RALGAPA2: variants seen among roughly 807,000 people sequenced by gnomAD.
The protein encoded by RALGAPA2 is Ral GTPase activating protein catalytic subunit alpha 2, also known as ral GTPase-activating protein subunit alpha-2.
A neutral mutation model predicts 230.4 loss-of-function variants in RALGAPA2; 139 were observed. The ratio of observed to expected loss-of-function variants is 0.60; its 90% CI spans 0.53 to 0.69. The LOEUF is 0.69. Among genes scored for constraint, RALGAPA2 ranks in the 30% least tolerant of loss-of-function variants. The pLI, the probability that RALGAPA2 is intolerant of heterozygous loss-of-function variation, is 0.00. For synonymous variants in RALGAPA2, 847 were observed against 837.8 expected (o/e 1.01, Z -0.19); for missense variants, 2,163 against 2,276.0 (o/e 0.95, Z 1.01).
intron 23 of RALGAPA2, among the ~76,000 whole-genome samples, chr20:20,555,588 T>TAAAGTTTTAAAGTTTA (rs2064060535): frequency 6.6e-6 from 1 of 152,240 alleles, no homozygotes; most frequent in Non-Finnish European, 1.5e-5. Context: ...TTTAAAGTCC[T>TAAAGTTTTAAAGTTTA]ACAGCAAGGT....
chr20:20,517,068 A>C (rs1451994226), intron 31 of RALGAPA2, among the ~76,000 whole-genome samples: 1 of 152,128 alleles, frequency 6.6e-6, no homozygotes, highest in Non-Finnish European at 1.5e-5. Flanking sequence ...CATAGACACA[A>C]CTGGAACTTC....
intron 36 of RALGAPA2, among the ~76,000 whole-genome samples, chr20:20,490,361 TAAC>T: frequency 6.6e-6 from 1 of 152,338 alleles, no homozygotes; most frequent in African/African-American, 2.4e-5. Context: ...ATAATGCTAA[TAAC>T]AATAATAATA....
At chr20:20,625,315 T>C (rs975008379) in intron 10 of RALGAPA2, among the ~76,000 whole-genome samples, 6 of 152,222 alleles carry the variant, frequency 3.9e-5, no homozygotes, top group Non-Finnish European at 8.8e-5. Flanking sequence ...TATACACATA[T>C]AGAAAGACCA....
chr20:20,486,162 AT>A (rs1274048589), intron 36 of RALGAPA2, among the ~76,000 whole-genome samples: 1 of 151,642 alleles, frequency 6.6e-6, no homozygotes, highest in Non-Finnish European at 1.5e-5. Flanking sequence ...AAAAAAACAG[AT>A]TTCATTTTAC....
At chr20:20,410,893 A>G (rs552211996) in intron 38 of RALGAPA2, among the ~76,000 whole-genome samples, 1 of 152,250 alleles carries the variant, frequency 6.6e-6, no homozygotes, top group African/African-American at 2.4e-5. Flanking sequence ...TTATCTCCCA[A>G]GCCTTCTGCC....
chr20:20,707,633 C>T (rs1459916727), intron 1 of RALGAPA2, among the ~76,000 whole-genome samples: 2 of 152,106 alleles, frequency 1.3e-5, no homozygotes, highest in South Asian at 2.1e-4. Context: ...TACGACAATG[C>T]TATGTTTTGC....
intron 26 of RALGAPA2, among the ~76,000 whole-genome samples, chr20:20,534,507 G>A (rs1420943694): frequency 1.3e-5 from 2 of 151,174 alleles, no homozygotes; most frequent in South Asian, 2.1e-4. Flanking sequence ...TTAAAATTTA[G>A]GTGAAACAGG....
At chr20:20,629,203 G>A (rs1266015811) in intron 10 of RALGAPA2, among the ~76,000 whole-genome samples, 160 bp downstream of exon 10, 1 of 152,072 alleles carries the variant, frequency 6.6e-6, no homozygotes, top group East Asian at 1.9e-4. Flanking sequence ...TAAAAGATTA[G>A]AGGGATCGTT....
At chr20:20,593,501 C>T (rs2146123009) in intron 16 of RALGAPA2, among the ~76,000 whole-genome samples, 1 of 152,386 alleles carries the variant, frequency 6.6e-6, no homozygotes, top group Admixed American at 6.5e-5. Context: ...GCCAGCCCTT[C>T]CGGCTGTCTT....
intron 14 of RALGAPA2, among the ~76,000 whole-genome samples, chr20:20,610,150 A>G (rs1603050643): frequency 6.6e-6 from 1 of 152,228 alleles, no homozygotes; most frequent in East Asian, 1.9e-4. Flanking sequence ...CTTCAGGTCA[A>G]CTGAGGAGGG....
chr20:20,391,445 G>C lies in RALGAPA2; in HGVS notation c.*1844C>G, dbSNP rs2059601829. The C allele has an allele frequency of 6.6e-6, 1 of 152,258 alleles. No homozygotes were observed. Among genetic ancestry groups the C allele is most frequent in the South Asian group, 2.1e-4 (1 of 4,830 alleles). The allele number at this position is 152,258 out of a possible 1,614,324, so 9.4% of individuals were successfully genotyped here. On this transcript the variant is annotated 3_prime_UTR_variant, in exon 40 of 40. Transcript: ENST00000202677. ...GGGCACCCTCATTCTCTTCTGTTCA[G>C]GTGGTTCTCAAGGTGCTCCTGTCAG... is the stretch of plus-strand genomic sequence containing the variant.
At chr20:20,469,203 C>T (rs1569425539) in intron 37 of RALGAPA2, among the ~76,000 whole-genome samples, 2 of 152,122 alleles carry the variant, frequency 1.3e-5, no homozygotes, top group South Asian at 4.1e-4. Context: ...AAATAGAACA[C>T]ATGGTACCAT....
At chr20:20,663,487 TAAGTC>T (rs2067853883) in intron 3 of RALGAPA2, among the ~76,000 whole-genome samples, 1 of 152,290 alleles carries the variant, frequency 6.6e-6, no homozygotes, top group South Asian at 2.1e-4. Context: ...TCTTTCTTAT[TAAGTC>T]AAGAACGCTC....
At chr20:20,435,606 T>G (rs1233385370) in intron 37 of RALGAPA2, among the ~76,000 whole-genome samples, 3 of 152,250 alleles carry the variant, frequency 2.0e-5, no homozygotes, top group Non-Finnish European at 2.9e-5. Context: ...CTGACAATGC[T>G]GTGCCATAGC....
At chr20:20,650,564 T>C (rs1419957182) in intron 4 of RALGAPA2, among the ~76,000 whole-genome samples, 1 of 152,320 alleles carries the variant, frequency 6.6e-6, no homozygotes, top group African/African-American at 2.4e-5. Context: ...TAACATTTAA[T>C]TAGTAAGACA....
At chr20:20,455,237 C>T (rs752533140) in intron 37 of RALGAPA2, among the ~76,000 whole-genome samples, 5 of 152,218 alleles carry the variant, frequency 3.3e-5, no homozygotes, top group Non-Finnish European at 7.3e-5. Flanking sequence ...TTAGAGCTAT[C>T]GATCGCTGCC....
In RALGAPA2 at chr20:20,503,373, G is replaced by A; in HGVS notation, c.5186C>T (p.Ser1729Leu). 1 of 1,599,456 alleles carries A rather than the reference G, an allele frequency of 6.3e-7. No homozygotes were observed. ...TACCTTTTTGGTGAGGGAATCATCT[G>A]AGTCTGACGGCATTCGAGTGGAAAC... is the stretch of plus-strand genomic sequence containing the variant. ...FHVSTRMPSD[S>L]DDSLTKKLRH... Residue 1729 changes from serine (S) to leucine (L), a missense_variant, in exon 35 of 40, where the codon TCA (serine) becomes TTA (leucine). Transcript: ENST00000202677.
chr20:20,663,871 CATGAACCA>C (rs1446147766), intron 3 of RALGAPA2, among the ~76,000 whole-genome samples: 2 of 152,208 alleles, frequency 1.3e-5, no homozygotes, highest in African/African-American at 4.8e-5. Context: ...GGATTACAGG[CATGAACCA>C]CCACGCCTGG....
chr20:20,562,480 T>C (rs1023917625), intron 23 of RALGAPA2, among the ~76,000 whole-genome samples: 2 of 152,254 alleles, frequency 1.3e-5, no homozygotes, highest in African/African-American at 4.8e-5. Flanking sequence ...TTTTATGCTT[T>C]ATTTCACGTA....
Sources: allele counts gnomAD v4.1 joint callset (sites outside exome capture counted in the v4.1 genomes callset), GRCh38; gene constraint gnomAD v4.1.1; transcripts MANE v1.5; gene names NCBI Gene and HGNC (gene_info 2026-07-23, HGNC 2026-07-21).